The following IL1RAPL2 variants were observed in gnomAD, a reference collection of about 807,000 sequenced individuals.
IL1RAPL2 encodes X-linked interleukin-1 receptor accessory protein-like 2.
In IL1RAPL2, 3 loss-of-function variants were observed where a neutral mutation model predicts 44.1. The ratio of observed to expected loss-of-function variants is 0.07; its 90% CI spans 0.03 to 0.18. The LOEUF is 0.18. Among genes scored for constraint, IL1RAPL2 ranks in the 10% least tolerant of loss-of-function variants. IL1RAPL2 has a pLI of 1.00. For synonymous variants in IL1RAPL2, 181 were observed against 178.8 expected, an observed-to-expected ratio of 1.01 and a Z score of -0.10; for missense variants, 391 against 496.4, an observed-to-expected ratio of 0.79 and a Z score of 2.02.
chrX:104,601,287 C>G (rs1928877216), intron 1 of IL1RAPL2, among the ~76,000 whole-genome samples: 1 of 109,905 alleles, frequency 9.1e-6, no homozygotes, highest in African/African-American at 3.3e-5. Flanking sequence ...TCCCCCTACC[C>G]CACAACAGGC....
intron 1 of IL1RAPL2, among the ~76,000 whole-genome samples, chrX:104,634,957 G>A (rs1929757527): frequency 9.0e-6 from 1 of 111,339 alleles, no homozygotes; most frequent in Non-Finnish European, 1.9e-5. Context: ...TTACAATTTG[G>A]CATGTTTTTG....
At position 105,676,858 on chromosome X, in the gene IL1RAPL2, G is replaced by GAAAC. The variant is rs2037877334; in HGVS notation, c.773-40507_773-40504dup. ...CCTCAACTAGTGCTATTATATCAGA[G>GAAAC]AAACAGTTATACTAAATCATAATGC... is the stretch of plus-strand genomic sequence containing the variant. On this transcript the variant is annotated intron_variant, in intron 6 of 10. Transcript: ENST00000372582. Among the ~76,000 whole-genome samples, 3 of 111,799 alleles carry GAAAC rather than the reference G, an allele frequency of 2.7e-5. No homozygotes were observed. The South Asian group carries it at 1.1e-3, about 42-fold the overall frequency.
chrX:105,181,921 G>A (rs1351136414), intron 2 of IL1RAPL2, among the ~76,000 whole-genome samples: 4 of 109,381 alleles, frequency 3.7e-5, no homozygotes, highest in Non-Finnish European at 7.6e-5. Flanking sequence ...AAAAAAATTA[G>A]CTGGGTGTGG....
chrX:105,251,734 T>C lies in IL1RAPL2; in HGVS notation c.544-15654T>C, dbSNP rs979319163. Reference sequence around the variant, plus strand: ...ATTAACATGGATAAGTAATTAAATATCACTGGACCTCAATTTCCCCACATA... The same window carrying C: ...ATTAACATGGATAAGTAATTAAATACCACTGGACCTCAATTTCCCCACATA... On this transcript the variant is annotated intron_variant, in intron 4 of 10. Coordinates refer to ENST00000372582, the MANE Select transcript of IL1RAPL2 (RefSeq NM_017416.2). Among the ~76,000 whole-genome samples the C allele has an allele frequency of 1.5e-4, 16 of 110,131 alleles. 1 individual carries two copies.
At chrX:105,461,377 A>G (rs1042276592) in intron 5 of IL1RAPL2, among the ~76,000 whole-genome samples, 2 of 111,437 alleles carry the variant, frequency 1.8e-5, no homozygotes, top group Admixed American at 9.6e-5. Flanking sequence ...ACTTTCTCCC[A>G]TGAACACTTT....
intron 2 of IL1RAPL2, among the ~76,000 whole-genome samples, chrX:105,030,009 T>C (rs1243906166): frequency 2.7e-5 from 3 of 112,388 alleles, no homozygotes; most frequent in Non-Finnish European, 5.6e-5. Context: ...TCAGTGATGA[T>C]GAGCATTTTT....
At chrX:105,076,615 G>T (rs1046647587) in intron 2 of IL1RAPL2, among the ~76,000 whole-genome samples, 45 of 111,027 alleles carry the variant, frequency 4.1e-4, no homozygotes, top group Admixed American at 1.2e-3. Context: ...TTTCTGTCTC[G>T]TTGATCTGTC....
chrX:105,760,250 C>CA (rs1193310727), intron 10 of IL1RAPL2, among the ~76,000 whole-genome samples: 1 of 111,206 alleles, frequency 9.0e-6, no homozygotes, highest in East Asian at 2.8e-4. Flanking sequence ...AACAAACAAA[C>CA]AAAAAAACAT....
At chrX:104,673,777 G>A (rs1442360400) in intron 2 of IL1RAPL2, among the ~76,000 whole-genome samples, 2 of 107,579 alleles carry the variant, frequency 1.9e-5, no homozygotes, top group African/African-American at 3.4e-5. Flanking sequence ...ATTTCCTTGA[G>A]CAGTGGTTTG....
chrX:104,984,849 G>T (rs2030530243), intron 2 of IL1RAPL2, among the ~76,000 whole-genome samples: 1 of 111,438 alleles, frequency 9.0e-6, no homozygotes, highest in Non-Finnish European at 1.9e-5. Context: ...TAAATAAGAA[G>T]AAAATGACTA....
chrX:105,111,035 A>G (rs1404126410), intron 2 of IL1RAPL2, among the ~76,000 whole-genome samples: 2 of 112,012 alleles, frequency 1.8e-5, no homozygotes, highest in East Asian at 5.6e-4. Flanking sequence ...TCTTTCCTAC[A>G]GGTTTTTTAC....
chrX:104,625,274 A>C (rs767827137), intron 1 of IL1RAPL2, among the ~76,000 whole-genome samples: 2 of 111,029 alleles, frequency 1.8e-5, no homozygotes, highest in Non-Finnish European at 3.8e-5. Context: ...TTCTTTTTCC[A>C]GTTATAGAAG....
At chrX:105,234,484 C>G (rs782812063) in intron 4 of IL1RAPL2, among the ~76,000 whole-genome samples, 181 of 111,652 alleles carry the variant, frequency 1.6e-3, no homozygotes, top group Non-Finnish European at 2.3e-3. Flanking sequence ...TTAAGTTTAG[C>G]TGGAAATAAA....
chrX:104,700,237 CA>C (rs1931252895), intron 2 of IL1RAPL2, among the ~76,000 whole-genome samples: 1 of 111,789 alleles, frequency 8.9e-6, no homozygotes, highest in Non-Finnish European at 1.9e-5. Context: ...GCTAGAAAAA[CA>C]AAAACAGTTA....
chrX:104,670,485 C>T (rs949555771), intron 2 of IL1RAPL2, among the ~76,000 whole-genome samples: 13 of 111,723 alleles, frequency 1.2e-4, no homozygotes, highest in African/African-American at 2.0e-4. Context: ...TGGCAACACC[C>T]TCAAAGACAC....
At chrX:105,608,357 G>T (rs955470277) in intron 6 of IL1RAPL2, among the ~76,000 whole-genome samples, 10 of 111,490 alleles carry the variant, frequency 9.0e-5, no homozygotes, top group Non-Finnish European at 1.7e-4. Context: ...AATTCTGAGA[G>T]AATTTTTAAA....
At chrX:104,986,433 A>C (rs1484383801) in intron 2 of IL1RAPL2, among the ~76,000 whole-genome samples, 1 of 112,355 alleles carries the variant, frequency 8.9e-6, no homozygotes, top group Non-Finnish European at 1.9e-5. Flanking sequence ...TAGCTTGATT[A>C]AGTTTTCTTT....
intron 5 of IL1RAPL2, among the ~76,000 whole-genome samples, chrX:105,442,608 A>G (rs2035928506): frequency 1.1e-5 from 1 of 94,255 alleles, no homozygotes; most frequent in Non-Finnish European, 1.9e-5. Flanking sequence ...CTTATATTTT[A>G]TACTTCTGAC....
At chrX:105,520,129 C>T (rs753877940) in intron 6 of IL1RAPL2, among the ~76,000 whole-genome samples, 4 of 111,843 alleles carry the variant, frequency 3.6e-5, no homozygotes, top group Admixed American at 9.5e-5. Flanking sequence ...CTGATAAGAA[C>T]GGCTCAAGTT....
Sources: allele counts gnomAD v4.1 joint callset (sites outside exome capture counted in the v4.1 genomes callset), GRCh38; gene constraint gnomAD v4.1.1; transcripts MANE v1.5; gene names NCBI Gene and HGNC (gene_info 2026-07-23, HGNC 2026-07-21).